The following TYW1 variants were observed in gnomAD, a reference collection of about 807,000 sequenced individuals.
TYW1 encodes the protein tRNA-yW synthesizing protein 1 homolog.
A neutral mutation model predicts 96.2 loss-of-function variants in TYW1; 46 were observed. The observed-to-expected ratio is 0.48, with a 90% CI of 0.38 to 0.61. The LOEUF (loss-of-function observed/expected upper bound fraction) is 0.61, where lower values mean the gene tolerates loss of function less well. Ranked by LOEUF, TYW1 falls within the 20% of genes least tolerant of loss-of-function variation. The probability of loss-of-function intolerance (pLI) is 0.00; values close to 1 mark genes in which losing one functional copy is unlikely to be tolerated. For missense variants in TYW1, 684 were observed against 909.6 expected (o/e 0.75, Z 3.19); for synonymous variants, 274 against 323.0 (o/e 0.85, Z 1.63).
chr7:67,213,593 A>G (rs531512068), intron 15 of TYW1, among the ~76,000 whole-genome samples: 1 of 152,330 alleles, frequency 6.6e-6, no homozygotes, highest in South Asian at 2.1e-4. Context: ...GGTGTATCTA[A>G]AAATTCATTG....
intron 10 of TYW1, among the ~76,000 whole-genome samples, chr7:67,068,670 C>G (rs1795946200): frequency 6.6e-6 from 1 of 152,128 alleles, no homozygotes; most frequent in African/African-American, 2.4e-5. Context: ...GAGAAGTAAA[C>G]CATTTCCGTG....
chr7:67,019,565 C>G (rs1392506244), intron 6 of TYW1, among the ~76,000 whole-genome samples: 1 of 152,268 alleles, frequency 6.6e-6, no homozygotes, highest in Non-Finnish European at 1.5e-5. Context: ...TGGCCTCGAG[C>G]AAACCTCCCA....
intron 13 of TYW1, among the ~76,000 whole-genome samples, chr7:67,176,632 T>C (rs1799677694): frequency 6.6e-6 from 1 of 151,332 alleles, no homozygotes; most frequent in Admixed American, 6.6e-5. Flanking sequence ...GGCTTATAGA[T>C]TCAATGCTAT....
At chr7:67,186,981 A>G (rs1392240135) in intron 14 of TYW1, among the ~76,000 whole-genome samples, 1 of 152,054 alleles carries the variant, frequency 6.6e-6, no homozygotes, top group African/African-American at 2.4e-5. Context: ...AAAAATCTAT[A>G]AAAGTAAAAT....
At chr7:67,133,923 C>A (rs1172389383) in intron 13 of TYW1, among the ~76,000 whole-genome samples, 1 of 151,806 alleles carries the variant, frequency 6.6e-6, no homozygotes, top group African/African-American at 2.4e-5. Flanking sequence ...TCAAATATCA[C>A]CTTATCAGAG....
At chr7:67,154,321 A>G (rs1351805283) in intron 13 of TYW1, among the ~76,000 whole-genome samples, 1 of 152,212 alleles carries the variant, frequency 6.6e-6, no homozygotes, top group Non-Finnish European at 1.5e-5. Flanking sequence ...GAACAGTTTT[A>G]TGATGGTAGA....
At chr7:67,161,862 T>C (rs12154846) in intron 13 of TYW1, among the ~76,000 whole-genome samples, 42,582 of 151,840 alleles carry the variant, frequency 0.28, 6,481 homozygotes, top group African/African-American at 0.4. Flanking sequence ...CCCCCAGGCA[T>C]ATCTTGTCAC....
At chr7:67,178,004 G>GC (rs1799730981) in intron 13 of TYW1, among the ~76,000 whole-genome samples, 2 of 124,870 alleles carry the variant, frequency 1.6e-5, no homozygotes, top group Non-Finnish European at 3.4e-5. Context: ...AAAAAAAAAA[G>GC]AAAAAAAAAA....
At chr7:67,128,449 C>T (rs1310902224) in intron 13 of TYW1, among the ~76,000 whole-genome samples, 3 of 152,036 alleles carry the variant, frequency 2.0e-5, no homozygotes, top group African/African-American at 7.3e-5. Context: ...GTACTTTATC[C>T]ACTGGAGCCC....
chr7:67,139,618 C>T (rs1798378763), intron 13 of TYW1, among the ~76,000 whole-genome samples: 1 of 152,010 alleles, frequency 6.6e-6, no homozygotes, highest in African/African-American at 2.4e-5. Flanking sequence ...TTCAAGGTTC[C>T]CACATCCCTC....
At chr7:67,114,230 G>A (rs1456085851) in intron 12 of TYW1, 1 of 153,960 alleles carries the variant, frequency 6.5e-6, no homozygotes, top group Non-Finnish European at 1.5e-5. Context: ...GCTTGTTTGG[G>A]TCACTCTGCT....
intron 11 of TYW1, chr7:67,089,235 G>C: frequency 8.5e-7 from 1 of 1,174,898 alleles, no homozygotes; most frequent in Non-Finnish European, 1.2e-6. Flanking sequence ...AGCCCTGGGG[G>C]TAGCGGGCAA....
chr7:67,073,432 T>C (rs1796096973), intron 10 of TYW1, among the ~76,000 whole-genome samples: 1 of 152,260 alleles, frequency 6.6e-6, no homozygotes, highest in East Asian at 1.9e-4. Context: ...GGTCTACAGT[T>C]ACTATTTCAG....
chr7:67,119,953 A>G (rs1186983556), intron 13 of TYW1, among the ~76,000 whole-genome samples: 1 of 135,464 alleles, frequency 7.4e-6, no homozygotes, highest in African/African-American at 2.6e-5. Flanking sequence ...TGCCTAGTTA[A>G]TTTTTTGATT....
chr7:67,020,876 A>G (rs1794230662), intron 6 of TYW1, among the ~76,000 whole-genome samples: 1 of 152,380 alleles, frequency 6.6e-6, no homozygotes, highest in African/African-American at 2.4e-5. Flanking sequence ...AAAAATACAA[A>G]AATTAGCTGG....
chr7:67,097,339 T>C (rs1796950621), intron 11 of TYW1, among the ~76,000 whole-genome samples: 2 of 152,248 alleles, frequency 1.3e-5, no homozygotes, highest in African/African-American at 4.8e-5. Flanking sequence ...ACAAAACTTA[T>C]TGCCCAGCCT....
chr7:67,053,621 C>T (rs1337937382), intron 8 of TYW1, among the ~76,000 whole-genome samples: 1 of 152,146 alleles, frequency 6.6e-6, no homozygotes, highest in Non-Finnish European at 1.5e-5. Context: ...CTCAGGTGAT[C>T]CACCCGCCTT....
chr7:67,113,155 A>G (rs2115949031), intron 12 of TYW1, among the ~76,000 whole-genome samples: 1 of 151,794 alleles, frequency 6.6e-6, no homozygotes, highest in South Asian at 2.1e-4. Flanking sequence ...CTTTTGTATG[A>G]TTTTGCCAAG....
chr7:67,102,688 G>A (rs753833460), intron 12 of TYW1, among the ~76,000 whole-genome samples: 2 of 151,850 alleles, frequency 1.3e-5, no homozygotes, highest in East Asian at 1.9e-4. Context: ...GTCTCGCTCC[G>A]TCACCCAGGC....
Sources: gnomAD v4.1 joint callset for allele counts (sites outside exome capture counted in the v4.1 genomes callset) on GRCh38, gnomAD v4.1.1 for gene constraint, MANE v1.5 for transcripts, NCBI Gene and HGNC (gene_info 2026-07-23, HGNC 2026-07-21) for gene names.